Variants in MRTFA observed in about 807,000 individuals in gnomAD.
MRTFA encodes the protein myocardin related transcription factor A.
A neutral mutation model predicts 83.5 loss-of-function variants in MRTFA; 20 were observed. That is an observed-to-expected ratio of 0.24 (90% CI 0.17 to 0.35). The LOEUF (loss-of-function observed/expected upper bound fraction) is 0.35, where lower values mean the gene tolerates loss of function less well. Ranked by LOEUF, MRTFA falls within the 10% of genes least tolerant of loss-of-function variation. The pLI, the probability that MRTFA is intolerant of heterozygous loss-of-function variation, is 1.00. For synonymous variants in MRTFA, 659 were observed against 541.2 expected, an observed-to-expected ratio of 1.22 and a Z score of -3.02; for missense variants, 1,200 against 1,224.7, an observed-to-expected ratio of 0.98 and a Z score of 0.30.
At chr22:40,523,341 TG>T (rs2054903442) in intron 3 of MRTFA, 1 of 152,188 alleles carries the variant, frequency 6.6e-6, no homozygotes, top group Admixed American at 6.5e-5. Flanking sequence ...TTAATATGCA[TG>T]TGACAATCTT....
At chr22:40,524,338 C>G (rs535082903) in intron 3 of MRTFA, among the ~76,000 whole-genome samples, 1 of 152,262 alleles carries the variant, frequency 6.6e-6, no homozygotes, top group South Asian at 2.1e-4. Context: ...ACATTGTATA[C>G]TAACACCACC....
chr22:40,525,836 A>C (rs930928945), intron 3 of MRTFA, among the ~76,000 whole-genome samples: 1 of 152,162 alleles, frequency 6.6e-6, no homozygotes, highest in Non-Finnish European at 1.5e-5. Context: ...TCTTATACAC[A>C]AGGCAGAGAA....
intron 3 of MRTFA, among the ~76,000 whole-genome samples, chr22:40,470,384 G>C (rs1024549843): frequency 1.3e-5 from 2 of 148,702 alleles, no homozygotes; most frequent in African/African-American, 2.5e-5. Flanking sequence ...GAGAATGAGA[G>C]AAATTAGAAA....
At chr22:40,606,015 A>C (rs909526876) in intron 1 of MRTFA, among the ~76,000 whole-genome samples, 16 of 152,334 alleles carry the variant, frequency 1.1e-4, no homozygotes, top group Admixed American at 8.5e-4. Flanking sequence ...AATAAACTCT[A>C]CGGAAAATCT....
intron 4 of MRTFA, among the ~76,000 whole-genome samples, chr22:40,445,122 T>C (rs1191949047): frequency 6.6e-6 from 1 of 152,168 alleles, no homozygotes; most frequent in African/African-American, 2.4e-5. Flanking sequence ...TATATTAATT[T>C]CATTACCCCC....
rs991385109 is a variant in MRTFA, at chr22:40,538,704, T to TA, written c.241+13401dup. Among the ~76,000 whole-genome samples, 6 of 152,334 alleles carry TA rather than the reference T, an allele frequency of 3.9e-5. No individual in the cohort carries two copies. The East Asian group carries it at 1.2e-3, about 29-fold the overall frequency. Reference sequence around the variant, plus strand: ...GACTTTAAAATAAATTTCACAATTCTAAAAGTCTGAACCCCTGTGAAAGCT... The same window carrying TA: ...GACTTTAAAATAAATTTCACAATTCTAAAAAGTCTGAACCCCTGTGAAAGCT... On this transcript the variant is annotated intron_variant, in intron 3 of 14. Transcript: ENST00000355630.
At chr22:40,424,858 G>C (rs1397735885) in intron 7 of MRTFA, among the ~76,000 whole-genome samples, 1 of 152,186 alleles carries the variant, frequency 6.6e-6, no homozygotes, top group Non-Finnish European at 1.5e-5. Context: ...ACCAGCTAAC[G>C]AGGGACCAGA....
intron 3 of MRTFA, among the ~76,000 whole-genome samples, chr22:40,524,466 T>A (rs954812703): frequency 6.6e-6 from 1 of 152,154 alleles, no homozygotes. Context: ...AGTAAATGAG[T>A]GTACACAGGA....
At chr22:40,556,563 T>C (rs1425438984) in intron 2 of MRTFA, among the ~76,000 whole-genome samples, 1 of 152,210 alleles carries the variant, frequency 6.6e-6, no homozygotes, top group Non-Finnish European at 1.5e-5. Flanking sequence ...GAACTCAATA[T>C]TCTCAAGGGT....
At chr22:40,480,009 A>C (rs997480663) in intron 3 of MRTFA, among the ~76,000 whole-genome samples, 62 of 152,282 alleles carry the variant, frequency 4.1e-4, no homozygotes, top group African/African-American at 1.4e-3. Context: ...TGCAAGTGAA[A>C]GGTCTCTATA....
At chr22:40,552,568 T>C (rs2055458207) in intron 2 of MRTFA, among the ~76,000 whole-genome samples, 1 of 152,202 alleles carries the variant, frequency 6.6e-6, no homozygotes, top group Admixed American at 6.5e-5. Flanking sequence ...CTGATGGTTT[T>C]ATAAGGGGCT....
At chr22:40,426,816 C>T (rs1397559582) in intron 7 of MRTFA, among the ~76,000 whole-genome samples, 1 of 152,206 alleles carries the variant, frequency 6.6e-6, no homozygotes, top group Non-Finnish European at 1.5e-5. Context: ...CAGCTGCCAG[C>T]TGGTCTAGAA....
At chr22:40,602,356 T>G (rs1011132586) in intron 1 of MRTFA, among the ~76,000 whole-genome samples, 1 of 152,172 alleles carries the variant, frequency 6.6e-6, no homozygotes, top group Non-Finnish European at 1.5e-5. Context: ...TATGGGAGTA[T>G]AGCAGGAAGA....
intron 3 of MRTFA, among the ~76,000 whole-genome samples, chr22:40,525,881 TTA>T: frequency 1.3e-5 from 2 of 152,066 alleles, no homozygotes; most frequent in South Asian, 4.1e-4. Context: ...CTTGTGGCAC[TTA>T]CATTCTACGA....
intron 3 of MRTFA, among the ~76,000 whole-genome samples, chr22:40,543,384 G>A (rs952559164): frequency 2.0e-5 from 3 of 152,156 alleles, no homozygotes; most frequent in African/African-American, 7.2e-5. Flanking sequence ...GGCTGCACAT[G>A]TGAAAACAAA....
intron 1 of MRTFA, among the ~76,000 whole-genome samples, chr22:40,600,597 T>C (rs1278069732): frequency 6.6e-6 from 1 of 152,208 alleles, no homozygotes; most frequent in Non-Finnish European, 1.5e-5. Context: ...CTATGTAGCC[T>C]GCTGGTCAAC....
intron 3 of MRTFA, among the ~76,000 whole-genome samples, chr22:40,466,036 G>T (rs2053807629): frequency 6.6e-6 from 1 of 152,138 alleles, no homozygotes; most frequent in Non-Finnish European, 1.5e-5. Flanking sequence ...TCTTCTGAAA[G>T]CCTGCTCTAC....
chr22:40,519,349 T>C, intron 3 of MRTFA: 1 of 1,145,054 alleles, frequency 8.7e-7, no homozygotes, highest in South Asian at 1.3e-5. Context: ...GACTACCCTC[T>C]AGAACTCTTC....
chr22:40,554,294 CA>C (rs913555453), intron 2 of MRTFA, among the ~76,000 whole-genome samples: 3 of 152,044 alleles, frequency 2.0e-5, no homozygotes, highest in South Asian at 2.1e-4. Flanking sequence ...TGGGAGGGGC[CA>C]GGGGCAGAAT....
Sources: gnomAD v4.1 joint callset for allele counts (sites outside exome capture counted in the v4.1 genomes callset) on GRCh38, gnomAD v4.1.1 for gene constraint, MANE v1.5 for transcripts, NCBI Gene and HGNC (gene_info 2026-07-23, HGNC 2026-07-21) for gene names.